SCFD2: variants seen among roughly 807,000 people sequenced by gnomAD.
SCFD2 encodes sec1 family domain-containing protein 2.
A neutral mutation model predicts 58.9 loss-of-function variants in SCFD2; 54 were observed. The ratio of observed to expected loss-of-function variants is 0.92; its 90% confidence interval spans 0.74 to 1.15. The LOEUF is 1.15. Among genes scored for constraint, SCFD2 ranks in the 50% most tolerant of loss-of-function variants. The probability of loss-of-function intolerance (pLI) is 0.00; values close to 1 mark genes in which losing one functional copy is unlikely to be tolerated. For synonymous variants in SCFD2, 321 were observed against 335.9 expected, an observed-to-expected ratio of 0.96 and a Z score of 0.49; for missense variants, 805 against 836.6, an observed-to-expected ratio of 0.96 and a Z score of 0.47.
At chr4:53,328,951 G>A (rs1733317600) in intron 2 of SCFD2, among the ~76,000 whole-genome samples, 1 of 152,242 alleles carries the variant, frequency 6.6e-6, no homozygotes, top group Non-Finnish European at 1.5e-5. Flanking sequence ...AGGGGTCAGG[G>A]AGTTCCCTTT....
chr4:53,043,579 A>C (rs1477491820), intron 5 of SCFD2, among the ~76,000 whole-genome samples: 2 of 152,180 alleles, frequency 1.3e-5, no homozygotes, highest in Non-Finnish European at 2.9e-5. Context: ...CGAGGGTCAG[A>C]GCAGTGGAAG....
intron 5 of SCFD2, among the ~76,000 whole-genome samples, chr4:52,989,117 C>A (rs1008006266): frequency 6.6e-5 from 10 of 152,190 alleles, no homozygotes; most frequent in Non-Finnish European, 1.0e-4. Flanking sequence ...TCCAGACTCC[C>A]ACCTGGGTGT....
At chr4:53,341,122 G>T (rs769465107) in intron 2 of SCFD2, among the ~76,000 whole-genome samples, 6 of 152,236 alleles carry the variant, frequency 3.9e-5, no homozygotes, top group Non-Finnish European at 8.8e-5. Context: ...TGACTGACAA[G>T]TTGAGAGAAG....
chr4:52,949,814 TGTAACACCAAATTGTGA>T (rs1240063066), intron 5 of SCFD2: 2 of 152,236 alleles, frequency 1.3e-5, no homozygotes, highest in Non-Finnish European at 2.9e-5. Context: ...AAGCCAGGCC[TGTAACACCAAATTGTGA>T]GAGTGCACAA....
intron 4 of SCFD2, among the ~76,000 whole-genome samples, chr4:53,148,523 C>T (rs1409984287): frequency 3.3e-5 from 5 of 152,230 alleles, no homozygotes; most frequent in Non-Finnish European, 5.9e-5. Context: ...GATTGTTCCT[C>T]TAACTCCTTA....
intron 5 of SCFD2, among the ~76,000 whole-genome samples, chr4:53,139,635 C>T (rs1000880416): frequency 2.0e-5 from 3 of 150,674 alleles, no homozygotes; most frequent in South Asian, 2.1e-4. Flanking sequence ...AGGTGGGGGG[C>T]GCCTCTGCCC....
At chr4:53,024,350 T>A (rs1577667169) in intron 5 of SCFD2, among the ~76,000 whole-genome samples, 1 of 152,152 alleles carries the variant, frequency 6.6e-6, no homozygotes, top group South Asian at 2.1e-4. Flanking sequence ...TTGTCCCAGG[T>A]AATAGGTTGA....
intron 5 of SCFD2, chr4:52,956,209 C>T (rs745986597): frequency 2.2e-6 from 1 of 456,734 alleles, no homozygotes; most frequent in South Asian, 1.5e-5. Flanking sequence ...GCAGCCATCT[C>T]CCCTACATCC....
intron 5 of SCFD2, among the ~76,000 whole-genome samples, chr4:52,965,679 C>G (rs1415239051): frequency 6.6e-6 from 1 of 152,188 alleles, no homozygotes; most frequent in Non-Finnish European, 1.5e-5. Context: ...AGCCAGCAAG[C>G]CTGGCTGGGT....
intron 4 of SCFD2, among the ~76,000 whole-genome samples, chr4:53,256,904 G>A (rs1367116391): frequency 7.4e-6 from 1 of 135,246 alleles, no homozygotes; most frequent in Non-Finnish European, 1.6e-5. Context: ...GAGAGAGGGA[G>A]GGGGACGGGG....
At chr4:53,301,013 G>T (rs1230243620) in intron 3 of SCFD2, among the ~76,000 whole-genome samples, 1 of 152,086 alleles carries the variant, frequency 6.6e-6, no homozygotes, top group African/African-American at 2.4e-5. Flanking sequence ...ATCTAAAATT[G>T]ACACTCTAAC....
intron 4 of SCFD2, among the ~76,000 whole-genome samples, chr4:53,238,567 G>A (rs1272609143): frequency 6.6e-6 from 1 of 151,870 alleles, no homozygotes; most frequent in Non-Finnish European, 1.5e-5. Context: ...TCCCAGATGG[G>A]GCGGCTGCCG....
chr4:53,319,619 A>G (rs550598024), intron 2 of SCFD2, among the ~76,000 whole-genome samples: 1 of 150,958 alleles, frequency 6.6e-6, no homozygotes, highest in African/African-American at 2.4e-5. Context: ...TGCAGCCTCC[A>G]CCTTCGGGTT....
intron 4 of SCFD2, among the ~76,000 whole-genome samples, chr4:53,238,942 C>T (rs1729788914): frequency 6.6e-6 from 1 of 152,126 alleles, no homozygotes. Flanking sequence ...AGATGCTCCT[C>T]ACTTCCCAGA....
At position 52,959,196 on chromosome 4, in the gene SCFD2, C is replaced by T. The variant is rs115872899; in HGVS notation, c.1562-38326G>A. ...CTCTGGACAGGGTGTCAAGAGGCTT[C>T]GGTTCTAGTCTCAATCTGTAATGGC... On this transcript the variant is annotated intron_variant, in intron 5 of 8. Transcript: ENST00000401642. 4.2e-3 allele frequency among the ~76,000 whole-genome samples: 637 copies of T among 152,230 alleles called. 6 individuals are homozygous for T. Among genetic ancestry groups the T allele is most frequent in the African/African-American group, 0.013 (551 of 41,548 alleles).
At chr4:52,882,814 C>T (rs945724619) in intron 8 of SCFD2, among the ~76,000 whole-genome samples, 2 of 152,202 alleles carry the variant, frequency 1.3e-5, no homozygotes, top group Non-Finnish European at 1.5e-5. Flanking sequence ...TTTATATCTA[C>T]ATTTATCCTA....
At chr4:53,026,853 G>T (rs184084219) in intron 5 of SCFD2, among the ~76,000 whole-genome samples, 1 of 152,294 alleles carries the variant, frequency 6.6e-6, no homozygotes, top group African/African-American at 2.4e-5. Context: ...GAAAAGGCAA[G>T]AAATGGAGAA....
At position 53,029,190 on chromosome 4, in the gene SCFD2, G is replaced by A. The variant is rs181754728; in HGVS notation, c.1562-108320C>T. The stretch of plus-strand genomic sequence containing the variant: ...TGTAATTTCACACTTTCCCTTTTAG[G>A]AAGAATCTGGAAAAGTTTATGCCAA... On this transcript the variant is annotated intron_variant, in intron 5 of 8. Coordinates refer to ENST00000401642, the MANE Select transcript of SCFD2 (RefSeq NM_152540.4). Among the ~76,000 whole-genome samples, 284 of 152,090 alleles carry A rather than the reference G, an allele frequency of 1.9e-3. 3 individuals are homozygous for A. The highest frequency in any genetic ancestry group is 6.6e-3 in the African/African-American group (272 of 41,458).
chr4:53,228,209 C>A (rs1417401616), intron 4 of SCFD2, among the ~76,000 whole-genome samples: 4 of 152,118 alleles, frequency 2.6e-5, no homozygotes, highest in Non-Finnish European at 4.4e-5. Context: ...TAGTGGGGAT[C>A]AACTATCTCA....
Sources: gnomAD v4.1 joint callset for allele counts (sites outside exome capture counted in the v4.1 genomes callset) on GRCh38, gnomAD v4.1.1 for gene constraint, MANE v1.5 for transcripts, NCBI Gene and HGNC (gene_info 2026-07-23, HGNC 2026-07-21) for gene names.